MFSD11: variants seen among roughly 807,000 people sequenced by gnomAD.
The protein encoded by MFSD11 is UNC93-like protein MFSD11.
MFSD11 carries 36 observed loss-of-function variants against 53.5 expected under a neutral mutation model. That is an observed-to-expected ratio of 0.67 (90% CI 0.52 to 0.89). The LOEUF is 0.89. MFSD11 is among the 40% of genes least tolerant of loss of function. The pLI is 0.00. For synonymous variants in MFSD11, 186 were observed against 184.9 expected (o/e 1.01, Z -0.05); for missense variants, 530 against 543.9 (o/e 0.97, Z 0.25).
At chr17:76,802,255 A>G in the MFSD11 span, among the ~76,000 whole-genome samples, 1 of 152,196 alleles carries the variant, frequency 6.6e-6, no homozygotes, top group Non-Finnish European at 1.5e-5. Flanking sequence ...TGAGTGACAG[A>G]GCAGAACTCT....
At chr17:76,800,452 T>G in the MFSD11 span, among the ~76,000 whole-genome samples, 1 of 152,164 alleles carries the variant, frequency 6.6e-6, no homozygotes. Context: ...CCTTTCCAAT[T>G]AAACAGCCTT....
chr17:76,767,533 C>A, intron 9 of MFSD11, 82 bp downstream of exon 9: 8 of 860,020 alleles, frequency 9.3e-6, no homozygotes, highest in Non-Finnish European at 1.5e-5. Flanking sequence ...TTATTTCTCA[C>A]AATTCTGTGC....
chr17:76,790,075 CTTTT>C, the MFSD11 span, among the ~76,000 whole-genome samples: 1 of 136,034 alleles, frequency 7.4e-6, no homozygotes, highest in Non-Finnish European at 1.6e-5. Context: ...CATTTCTTTT[CTTTT>C]TTTTTTTTTT....
intron 7 of MFSD11, chr17:76,745,455 C>T (rs1296909182): frequency 6.6e-6 from 1 of 152,212 alleles, no homozygotes; most frequent in Non-Finnish European, 1.5e-5. Flanking sequence ...TCTTTCTCTC[C>T]ATACCACTTT....
At chr17:76,785,555 T>C (rs966550639), downstream of MFSD11, among the ~76,000 whole-genome samples, 3 of 151,616 alleles carry the variant, frequency 2.0e-5, no homozygotes, top group Non-Finnish European at 4.4e-5. Context: ...GCCAGGCTGG[T>C]CCTGAACACC....
At chr17:76,736,670 G>T, upstream of MFSD11, 2 of 1,220,704 alleles carry the variant, frequency 1.6e-6, no homozygotes, top group Non-Finnish European at 2.1e-6. Flanking sequence ...CCGGAGGGTC[G>T]CGAGACGCGG....
At chr17:76,777,007 C>G (rs955485437) in intron 12 of MFSD11, among the ~76,000 whole-genome samples, 1 of 151,872 alleles carries the variant, frequency 6.6e-6, no homozygotes, top group Non-Finnish European at 1.5e-5. Context: ...GCGGCTCACA[C>G]TTGTAATCCC....
chr17:76,792,940 G>A, the MFSD11 span, among the ~76,000 whole-genome samples: 1 of 151,394 alleles, frequency 6.6e-6, no homozygotes, highest in South Asian at 2.1e-4. Context: ...TGTCCCACAA[G>A]CTGCAAAACC....
chr17:76,750,671 TTTAAC>T (rs2078981201), intron 7 of MFSD11, among the ~76,000 whole-genome samples: 2 of 152,090 alleles, frequency 1.3e-5, no homozygotes, highest in South Asian at 4.1e-4. Context: ...TTAGAAATTT[TTTAAC>T]TTAATTGGAT....
chr17:76,759,719 A>AGTG (rs1239473063), intron 8 of MFSD11, among the ~76,000 whole-genome samples: 1 of 137,638 alleles, frequency 7.3e-6, no homozygotes, highest in African/African-American at 2.7e-5. Context: ...GGCCTCCCAA[A>AGTG]GTGCTGGGAT....
At chr17:76,779,559 A>G (rs2082099929), downstream of MFSD11, among the ~76,000 whole-genome samples, 1 of 152,056 alleles carries the variant, frequency 6.6e-6, no homozygotes, top group Non-Finnish European at 1.5e-5. Flanking sequence ...ATCTCAGCTC[A>G]CTGCAACCTC....
At chr17:76,744,291 T>TA in intron 6 of MFSD11, 31 bp from the exon 7 acceptor site, 1 of 1,593,390 alleles carries the variant, frequency 6.3e-7, no homozygotes, top group Non-Finnish European at 8.5e-7. Context: ...GTTTGGTCGA[T>TA]ACTATCTTGT....
chr17:76,755,718 A>G (rs2079495655), intron 8 of MFSD11, among the ~76,000 whole-genome samples: 1 of 137,986 alleles, frequency 7.2e-6, no homozygotes. Context: ...ATGTGTATAT[A>G]TATGTGTATA....
chr17:76,756,306 T>G (rs1040299206), intron 8 of MFSD11, among the ~76,000 whole-genome samples: 2 of 150,990 alleles, frequency 1.3e-5, no homozygotes, highest in Non-Finnish European at 2.9e-5. Context: ...CATTTTTTAG[T>G]AGAGACAGGG....
chr17:76,799,955 C>CTTTTTT, the MFSD11 span, among the ~76,000 whole-genome samples: 4 of 138,858 alleles, frequency 2.9e-5, no homozygotes, highest in African/African-American at 1.1e-4. Flanking sequence ...TTTCTTTTTC[C>CTTTTTT]TTTTTTTTTT....
the MFSD11 span, chr17:76,799,433 C>G: frequency 1.3e-5 from 2 of 151,916 alleles, no homozygotes; most frequent in African/African-American, 4.8e-5. Context: ...ATTTTTGAGA[C>G]ACAGTCTTGC....
the MFSD11 span, chr17:76,799,029 A>T: frequency 1.6e-4 from 1 of 6,094 alleles, no homozygotes; most frequent in Non-Finnish European, 2.3e-3. Context: ...CTCCATCTCA[A>T]AAAAAAAAAA....
At chr17:76,774,668 G>A (rs184983979) in intron 10 of MFSD11, among the ~76,000 whole-genome samples, 32 of 152,320 alleles carry the variant, frequency 2.1e-4, no homozygotes, top group Non-Finnish European at 3.8e-4. Context: ...CAACAAAAAC[G>A]TGGTCATAAT....
intron 8 of MFSD11, among the ~76,000 whole-genome samples, chr17:76,761,262 A>G (rs1425441669): frequency 2.0e-5 from 3 of 152,308 alleles, no homozygotes; most frequent in East Asian, 3.9e-4. Flanking sequence ...GTGATTTGTC[A>G]TTAGGTATCA....
Sources: gnomAD v4.1 joint callset for allele counts (sites outside exome capture counted in the v4.1 genomes callset) on GRCh38, gnomAD v4.1.1 for gene constraint, MANE v1.5 for transcripts, NCBI Gene and HGNC (gene_info 2026-07-23, HGNC 2026-07-21) for gene names.